CFAP299: variants seen among roughly 807,000 people sequenced by gnomAD.
CFAP299 encodes cilia- and flagella-associated protein 299.
In CFAP299, 21 loss-of-function variants were observed where a neutral mutation model predicts 27.0. The observed-to-expected ratio is 0.78, with a 90% confidence interval of 0.55 to 1.12. CFAP299 has a LOEUF of 1.12. Among genes scored for constraint, CFAP299 ranks in the 50% most tolerant of loss-of-function variants. CFAP299 has a pLI of 0.00. For missense variants in CFAP299, 310 were observed against 276.6 expected (o/e 1.12, Z -0.86); for synonymous variants, 104 against 98.1 (o/e 1.06, Z -0.36).
intron 3 of CFAP299, among the ~76,000 whole-genome samples, chr4:80,730,282 G>T: frequency 9.8e-6 from 1 of 102,474 alleles, no homozygotes. Context: ...GTGTGTGTAT[G>T]TGTGTGTGTG....
chr4:80,952,326 T>C (rs1375528330), intron 5 of CFAP299, among the ~76,000 whole-genome samples: 1 of 152,136 alleles, frequency 6.6e-6, no homozygotes, highest in South Asian at 2.1e-4. Flanking sequence ...TTAAAATATT[T>C]TAGGGTCTTA....
chr4:80,425,505 C>T lies in CFAP299; in HGVS notation c.242+62621C>T, dbSNP rs139424024. Among the ~76,000 whole-genome samples the T allele has an allele frequency of 3.9e-3, 588 of 152,216 alleles. 3 individuals carry two copies. Among genetic ancestry groups the T allele is most frequent in the Non-Finnish European group, 6.0e-3 (409 of 68,016 alleles). On this transcript the variant is annotated intron_variant, in intron 2 of 5. Coordinates refer to ENST00000358105, the MANE Select transcript of CFAP299 (RefSeq NM_152770.3). ...GGATCATCCTCACCCCTTCCTTTTC[C>T]TTGGGGAAGGACTAATTCAGGCTTC...
intron 2 of CFAP299, among the ~76,000 whole-genome samples, chr4:80,468,206 T>C (rs977259588): frequency 1.3e-5 from 2 of 151,860 alleles, no homozygotes; most frequent in Admixed American, 6.6e-5. Flanking sequence ...TATTAAAATA[T>C]GTCAAAGTTA....
At chr4:80,781,532 T>C (rs1259872727) in intron 3 of CFAP299, among the ~76,000 whole-genome samples, 1 of 152,090 alleles carries the variant, frequency 6.6e-6, no homozygotes, top group Non-Finnish European at 1.5e-5. Context: ...ACAGCCTTTT[T>C]CTAGTCTAGG....
rs1454195051 is a variant in CFAP299, at chr4:80,669,145, CTTTCTTTTTTTTTTT to C, written c.333+85966_333+85980del. Among the ~76,000 whole-genome samples the C allele has an allele frequency of 5.5e-4, 9 of 16,420 alleles. No homozygotes were observed. In the South Asian group the frequency reaches 0.017, roughly 31 times the overall value. The allele number at this position is 16,420 out of a possible 152,430, so 10.8% of individuals were successfully genotyped here. The stretch of plus-strand genomic sequence containing the variant: ...TTTTCTTTTCTGTCTTTCTTTCTTT[CTTTCTTTTTTTTTTT>C]TTTTTTTTTTTTTTTTTTGAGACTA... On this transcript the variant is annotated intron_variant, in intron 3 of 5. Transcript: ENST00000358105.
At chr4:80,509,580 T>A (rs901586910) in intron 2 of CFAP299, among the ~76,000 whole-genome samples, 3 of 152,184 alleles carry the variant, frequency 2.0e-5, no homozygotes, top group African/African-American at 7.2e-5. Context: ...TGTACTCTTA[T>A]AAAATTGCTT....
chr4:80,932,712 C>A (rs1736681972), intron 4 of CFAP299, among the ~76,000 whole-genome samples: 1 of 152,034 alleles, frequency 6.6e-6, no homozygotes, highest in Non-Finnish European at 1.5e-5. Flanking sequence ...ACTTTGGAAG[C>A]ATTTTACAGA....
chr4:80,782,566 A>G (rs192705941), intron 3 of CFAP299, among the ~76,000 whole-genome samples: 1,454 of 137,318 alleles, frequency 0.011, 28 homozygotes, highest in African/African-American at 0.035. Flanking sequence ...GATATATAAT[A>G]TACATATATG....
At chr4:80,674,088 C>T (rs974092662) in intron 3 of CFAP299, among the ~76,000 whole-genome samples, 18 of 151,992 alleles carry the variant, frequency 1.2e-4, no homozygotes, top group South Asian at 4.2e-4. Context: ...TTATTTTGCC[C>T]GTTAGTTGAT....
At chr4:80,717,895 T>A (rs1425116708) in intron 3 of CFAP299, among the ~76,000 whole-genome samples, 2 of 152,148 alleles carry the variant, frequency 1.3e-5, no homozygotes, top group African/African-American at 4.8e-5. Flanking sequence ...TTCACAAAGA[T>A]GTTTTCATTA....
chr4:80,420,882 T>G lies in CFAP299; in HGVS notation c.242+57998T>G, dbSNP rs533343018. Among the ~76,000 whole-genome samples, 5 of 152,312 alleles carry G rather than the reference T, an allele frequency of 3.3e-5. No individual in the cohort carries two copies. The East Asian group carries it at 9.7e-4, about 29-fold the overall frequency. ...AGCCCACTTCACACATCAATTTTGC[T>G]GCAGCTCCTTTCATATTTACTTTCA... On this transcript the variant is annotated intron_variant, in intron 2 of 5. Transcript: ENST00000358105.
intron 3 of CFAP299, among the ~76,000 whole-genome samples, chr4:80,744,028 T>A (rs1429522461): frequency 6.6e-6 from 1 of 152,212 alleles, no homozygotes; most frequent in African/African-American, 2.4e-5. Context: ...ATCTGTGTAC[T>A]TTGCTGTAAA....
intron 2 of CFAP299, chr4:80,386,593 G>C: frequency 6.3e-7 from 1 of 1,598,118 alleles, no homozygotes; most frequent in Non-Finnish European, 8.6e-7. Flanking sequence ...TGAGGTATTT[G>C]TGGCGGAAAA....
At chr4:80,566,229 A>C (rs1282964478) in intron 2 of CFAP299, among the ~76,000 whole-genome samples, 1 of 152,094 alleles carries the variant, frequency 6.6e-6, no homozygotes, top group Non-Finnish European at 1.5e-5. Context: ...TTATTAAAGG[A>C]GTAATAAAAG....
At chr4:80,689,060 G>T (rs527833743) in intron 3 of CFAP299, among the ~76,000 whole-genome samples, 1 of 152,286 alleles carries the variant, frequency 6.6e-6, no homozygotes, top group East Asian at 1.9e-4. Context: ...CCAAATATAC[G>T]TCTGATTGGT....
chr4:80,386,007 G>A (rs1724955431), intron 2 of CFAP299, among the ~76,000 whole-genome samples: 1 of 152,242 alleles, frequency 6.6e-6, no homozygotes, highest in African/African-American at 2.4e-5. Context: ...AGCAGGAGAG[G>A]GGACACCGGA....
chr4:80,382,975 A>G (rs1724784727), intron 2 of CFAP299, among the ~76,000 whole-genome samples: 1 of 152,260 alleles, frequency 6.6e-6, no homozygotes, highest in African/African-American at 2.4e-5. Flanking sequence ...TGTGGTACAT[A>G]TACATCACAG....
chr4:80,339,101 A>G (rs781492742), intron 1 of CFAP299, among the ~76,000 whole-genome samples: 3 of 152,192 alleles, frequency 2.0e-5, no homozygotes, highest in Non-Finnish European at 4.4e-5. Context: ...GTTTAGAAGC[A>G]GCTACCTTCC....
At chr4:80,915,883 T>C (rs937034589) in intron 4 of CFAP299, among the ~76,000 whole-genome samples, 4 of 152,074 alleles carry the variant, frequency 2.6e-5, no homozygotes, top group African/African-American at 9.7e-5. Flanking sequence ...TTTTAGCATA[T>C]TTATCAAATA....
Sources: allele counts gnomAD v4.1 joint callset (sites outside exome capture counted in the v4.1 genomes callset), GRCh38; gene constraint gnomAD v4.1.1; transcripts MANE v1.5; gene names NCBI Gene and HGNC (gene_info 2026-07-23, HGNC 2026-07-21).